Variants in CTNNA3 observed in about 807,000 individuals in gnomAD.
CTNNA3 encodes catenin alpha-3.
In CTNNA3, 76 loss-of-function variants were observed where a neutral mutation model predicts 95.7. The ratio of observed to expected loss-of-function variants is 0.79; its 90% CI spans 0.66 to 0.96. The LOEUF is 0.96. Ranked by LOEUF, CTNNA3 falls within the 40% of genes least tolerant of loss-of-function variation. The pLI is 0.00. For missense variants in CTNNA3, 1,191 were observed against 1,089.8 expected (o/e 1.09, Z -1.31); for synonymous variants, 431 against 374.4 (o/e 1.15, Z -1.74).
At chr10:67,106,725 T>C (rs1401655908) in intron 7 of CTNNA3, among the ~76,000 whole-genome samples, 1 of 152,180 alleles carries the variant, frequency 6.6e-6, no homozygotes, top group South Asian at 2.1e-4. Flanking sequence ...CTCTAACTGC[T>C]CATTTAAGGT....
chr10:67,715,138 A>C (rs1841135324), intron 1 of CTNNA3, among the ~76,000 whole-genome samples: 1 of 152,230 alleles, frequency 6.6e-6, no homozygotes, highest in East Asian at 1.9e-4. Context: ...TGGACAATAG[A>C]AACTTGAGCT....
At chr10:66,625,779 A>G (rs770633502) in intron 9 of CTNNA3, among the ~76,000 whole-genome samples, 18 of 152,156 alleles carry the variant, frequency 1.2e-4, no homozygotes, top group Non-Finnish European at 2.5e-4. Flanking sequence ...AGCAGAGAAC[A>G]TAGTATCCTT....
chr10:66,621,655 A>G (rs1353107672), intron 10 of CTNNA3, 37 bp downstream of exon 10: 1 of 1,238,524 alleles, frequency 8.1e-7, no homozygotes, highest in Non-Finnish European at 1.2e-6. Context: ...GGAATTATAT[A>G]TAATTTTACA....
At chr10:67,607,509 G>A (rs897158383) in intron 2 of CTNNA3, among the ~76,000 whole-genome samples, 3 of 152,138 alleles carry the variant, frequency 2.0e-5, no homozygotes, top group Non-Finnish European at 2.9e-5. Flanking sequence ...TGCCTTGGGG[G>A]TGTAAGAGGC....
intron 7 of CTNNA3, among the ~76,000 whole-genome samples, chr10:67,149,442 C>G (rs930687077): frequency 6.6e-6 from 1 of 151,778 alleles, no homozygotes; most frequent in East Asian, 1.9e-4. Flanking sequence ...AAAATTAGCC[C>G]AGCGTGGTGA....
At chr10:67,677,544 T>C (rs985775656) in intron 1 of CTNNA3, among the ~76,000 whole-genome samples, 1 of 152,140 alleles carries the variant, frequency 6.6e-6, no homozygotes, top group African/African-American at 2.4e-5. Context: ...CACCCATGTA[T>C]CCTCACATCC....
intron 13 of CTNNA3, among the ~76,000 whole-genome samples, chr10:66,273,586 G>A (rs1242722505): frequency 6.6e-6 from 1 of 152,178 alleles, no homozygotes; most frequent in East Asian, 1.9e-4. Flanking sequence ...TAAAAATTGA[G>A]TTTCAAAACA....
At chr10:65,956,103 TG>T (rs1165500732) in intron 17 of CTNNA3, among the ~76,000 whole-genome samples, 1 of 152,194 alleles carries the variant, frequency 6.6e-6, no homozygotes, top group East Asian at 1.9e-4. Context: ...AACTTCTTCC[TG>T]GTTTAGTCTT....
chr10:66,923,916 T>C (rs1406499785), intron 7 of CTNNA3, among the ~76,000 whole-genome samples: 1 of 152,242 alleles, frequency 6.6e-6, no homozygotes, highest in Non-Finnish European at 1.5e-5. Flanking sequence ...ATGTGCCAAG[T>C]GCTGTTGTAG....
intron 7 of CTNNA3, among the ~76,000 whole-genome samples, chr10:67,024,426 T>C (rs1853224562): frequency 1.3e-5 from 2 of 152,222 alleles, no homozygotes; most frequent in Admixed American, 6.5e-5. Flanking sequence ...AAATCCTTAA[T>C]TGTTCTGCAA....
chr10:66,277,250 T>C (rs1229746212), intron 13 of CTNNA3, among the ~76,000 whole-genome samples: 1 of 152,138 alleles, frequency 6.6e-6, no homozygotes, highest in African/African-American at 2.4e-5. Context: ...CAAGTTCTGA[T>C]CTTGAGTTAG....
intron 5 of CTNNA3, among the ~76,000 whole-genome samples, chr10:67,221,726 C>G (rs998894365): frequency 4.6e-5 from 7 of 152,058 alleles, no homozygotes; most frequent in African/African-American, 1.7e-4. Flanking sequence ...AGGCACCCAC[C>G]ACCACACCCA....
chr10:67,552,228 AT>A lies in CTNNA3; in HGVS notation c.293-12560del, dbSNP rs368093487. Among the ~76,000 whole-genome samples, 428 of 152,352 alleles carry A rather than the reference AT, an allele frequency of 2.8e-3. 1 individual carries two copies. Among genetic ancestry groups the A allele is most frequent in the African/African-American group, 9.5e-3 (394 of 41,584 alleles). On this transcript the variant is annotated intron_variant, in intron 3 of 17. Coordinates refer to ENST00000433211, the MANE Select transcript of CTNNA3 (RefSeq NM_013266.4). ...CATTTGATATTACAGGTCCATGCATATTTAAGTACAATCATTCCTTATTTTA... is the reference window on the plus strand; with the variant it reads ...CATTTGATATTACAGGTCCATGCATATTAAGTACAATCATTCCTTATTTTA...
At chr10:66,185,960 T>C (rs990676943) in intron 13 of CTNNA3, among the ~76,000 whole-genome samples, 1 of 151,888 alleles carries the variant, frequency 6.6e-6, no homozygotes, top group South Asian at 2.1e-4. Flanking sequence ...CACATACACA[T>C]ATATATACAC....
At chr10:66,172,048 C>T (rs1446061371) in intron 13 of CTNNA3, among the ~76,000 whole-genome samples, 1 of 152,010 alleles carries the variant, frequency 6.6e-6, no homozygotes, top group Non-Finnish European at 1.5e-5. Context: ...AATACACTGG[C>T]GTTGTTTGAT....
intron 5 of CTNNA3, among the ~76,000 whole-genome samples, chr10:67,280,602 A>G (rs7077860): frequency 0.16 from 23,520 of 151,190 alleles, 2,680 homozygotes; most frequent in South Asian, 0.32. Flanking sequence ...AAGACGCCCG[A>G]CTCCTGCCCC....
At chr10:66,814,167 G>C (rs1462066709) in intron 7 of CTNNA3, among the ~76,000 whole-genome samples, 1 of 151,592 alleles carries the variant, frequency 6.6e-6, no homozygotes, top group Non-Finnish European at 1.5e-5. Flanking sequence ...ATTGGGGCCC[G>C]GTATAGAAAC....
intron 10 of CTNNA3, among the ~76,000 whole-genome samples, chr10:66,551,616 A>C (rs938725495): frequency 3.3e-5 from 5 of 152,120 alleles, no homozygotes; most frequent in African/African-American, 1.2e-4. Flanking sequence ...ATAAATTATC[A>C]AATTTGGAAT....
At position 67,163,951 on chromosome 10, in the gene CTNNA3, G is replaced by T. The variant is rs139229380; in HGVS notation, c.1047+16366C>A. Among the ~76,000 whole-genome samples the T allele has an allele frequency of 1.4e-3, 207 of 152,026 alleles. 1 individual carries two copies. Among genetic ancestry groups the T allele is most frequent in the African/African-American group, 4.6e-3 (193 of 41,542 alleles). On this transcript the variant is annotated intron_variant, in intron 7 of 17. Coordinates refer to ENST00000433211, the MANE Select transcript of CTNNA3 (RefSeq NM_013266.4). ...GTGTACGACTTCTATACTGAAAACTGCAAAATGCTGATGAAAGAAATCAAA... is the reference window on the plus strand; with the variant it reads ...GTGTACGACTTCTATACTGAAAACTTCAAAATGCTGATGAAAGAAATCAAA...
Sources: allele counts gnomAD v4.1 joint callset (sites outside exome capture counted in the v4.1 genomes callset), GRCh38; gene constraint gnomAD v4.1.1; transcripts MANE v1.5; gene names NCBI Gene and HGNC (gene_info 2026-07-23, HGNC 2026-07-21).